DOCK4: variants seen among roughly 807,000 people sequenced by gnomAD.
The protein encoded by DOCK4 is dedicator of cytokinesis protein 4.
A neutral mutation model predicts 268.1 loss-of-function variants in DOCK4; 97 were observed. That is an observed-to-expected ratio of 0.36 (90% CI 0.31 to 0.43). The LOEUF (loss-of-function observed/expected upper bound fraction) is 0.43, where lower values mean the gene tolerates loss of function less well. Among genes scored for constraint, DOCK4 ranks in the 20% least tolerant of loss-of-function variants. The pLI is 1.00. For synonymous variants in DOCK4, 954 were observed against 887.2 expected, an observed-to-expected ratio of 1.08 and a Z score of -1.34; for missense variants, 2,145 against 2,455.7, an observed-to-expected ratio of 0.87 and a Z score of 2.67.
chr7:112,004,840 T>C (rs1265171029), intron 1 of DOCK4, among the ~76,000 whole-genome samples: 1 of 152,120 alleles, frequency 6.6e-6, no homozygotes, highest in Non-Finnish European at 1.5e-5. Context: ...AGATTAATGG[T>C]TTAGATTAAT....
intron 30 of DOCK4, among the ~76,000 whole-genome samples, chr7:111,790,906 C>T (rs890767607): frequency 2.0e-5 from 3 of 150,648 alleles, no homozygotes; most frequent in Admixed American, 6.6e-5. Flanking sequence ...AAAATACAAA[C>T]AATTAGCCGG....
At chr7:112,006,356 T>C (rs1007165358) in intron 1 of DOCK4, among the ~76,000 whole-genome samples, 5 of 152,214 alleles carry the variant, frequency 3.3e-5, no homozygotes, top group African/African-American at 4.8e-5. Flanking sequence ...GGTTCTTTTA[T>C]TATTGAGAAT....
At chr7:111,754,215 C>A (rs1026719390) in intron 42 of DOCK4, among the ~76,000 whole-genome samples, 3 of 152,230 alleles carry the variant, frequency 2.0e-5, no homozygotes, top group Admixed American at 2.0e-4. Context: ...AACATGTAAG[C>A]AGCCAGCTTT....
intron 39 of DOCK4, among the ~76,000 whole-genome samples, chr7:111,762,812 G>A (rs1797535754): frequency 1.0e-5 from 1 of 99,742 alleles, no homozygotes; most frequent in African/African-American, 3.6e-5. Flanking sequence ...CTGTCACCCA[G>A]GCTGGAGTGC....
chr7:112,020,737 C>G (rs1586657970), intron 1 of DOCK4, among the ~76,000 whole-genome samples: 2 of 149,158 alleles, frequency 1.3e-5, no homozygotes, highest in South Asian at 4.3e-4. Context: ...TGAACTAAAG[C>G]TGGGCTTTTC....
At chr7:111,783,282 G>A (rs1798915739) in intron 34 of DOCK4, among the ~76,000 whole-genome samples, 1 of 152,114 alleles carries the variant, frequency 6.6e-6, no homozygotes, top group Admixed American at 6.5e-5. Flanking sequence ...GAAGTGGCTG[G>A]TAAGCCTGGC....
intron 17 of DOCK4, among the ~76,000 whole-genome samples, chr7:111,873,064 C>G (rs563480510): frequency 6.6e-6 from 1 of 152,296 alleles, no homozygotes; most frequent in African/African-American, 2.4e-5. Flanking sequence ...GTCTTCTTGG[C>G]AATGTGACCC....
rs375220879 is a variant in DOCK4 at position 111,737,047 on chromosome 7, C to T, written c.5233-58G>A. The T allele has an allele frequency of 1.0e-5, 15 of 1,470,922 alleles. No homozygotes were observed. The African/African-American group carries it at 1.7e-4, about 16-fold the overall frequency. The allele number at this position is 1,470,922 out of a possible 1,614,324, so 91.1% of individuals were successfully genotyped here. On this transcript the variant is annotated intron_variant, in intron 49 of 52. Transcript: ENST00000428084. ...TGATATACGGGCATGTGAAACCTTT[C>T]AGAAAATGAGACGATTATCTCCTCA...
chr7:111,726,224 C>T lies in DOCK4; in HGVS notation c.*2050G>A, dbSNP rs1395454776. The T allele has an allele frequency of 6.6e-6, 1 of 152,630 alleles. No individual in the cohort carries two copies. The highest frequency in any genetic ancestry group is 1.5e-5 in the Non-Finnish European group (1 of 68,026). The allele number at this position is 152,630 out of a possible 1,614,324, so 9.5% of individuals were successfully genotyped here. On this transcript the variant is annotated 3_prime_UTR_variant, in exon 53 of 53. Coordinates refer to ENST00000428084, the MANE Select transcript of DOCK4 (RefSeq NM_001363540.2). ...CTGCTATGTAGCTGCTTCAGAAATA[C>T]ACACACATGATAAATTCAAGATAAA... is the stretch of plus-strand genomic sequence containing the variant.
chr7:111,983,844 A>ATGCGTG (rs1554402959), intron 7 of DOCK4, among the ~76,000 whole-genome samples: 9 of 138,940 alleles, frequency 6.5e-5, no homozygotes, highest in African/African-American at 2.6e-4. Flanking sequence ...GTACACACAC[A>ATGCGTG]CGCGCGCGCG....
intron 1 of DOCK4, among the ~76,000 whole-genome samples, chr7:112,134,104 C>T (rs1236403451): frequency 2.0e-5 from 3 of 152,168 alleles, no homozygotes; most frequent in African/African-American, 7.2e-5. Context: ...ACTTTGAATA[C>T]TTCACTGCAT....
In DOCK4 at chr7:111,944,751, C is replaced by G. The variant is rs1037939254; in HGVS notation, c.844+60G>C. The stretch of plus-strand genomic sequence containing the variant: ...CAATAAATCACAACAACATAGAAAC[C>G]TCTTGGCATTTCTCCTCTCTGTTCC... On this transcript the variant is annotated intron_variant, in intron 10 of 52. Coordinates refer to ENST00000428084, the MANE Select transcript of DOCK4 (RefSeq NM_001363540.2). The G allele has an allele frequency of 6.1e-6, 9 of 1,463,442 alleles. No homozygotes were observed. In the African/African-American group the frequency reaches 1.3e-4, roughly 20 times the overall value. The allele number at this position is 1,463,442 out of a possible 1,614,324, so 90.7% of individuals were successfully genotyped here.
At chr7:111,868,851 T>TCAA (rs1806195184) in intron 21 of DOCK4, among the ~76,000 whole-genome samples, 1 of 152,234 alleles carries the variant, frequency 6.6e-6, no homozygotes, top group South Asian at 2.1e-4. Flanking sequence ...TGACAGGTAG[T>TCAA]ACTCTTGCCA....
chr7:111,844,832 G>T lies in DOCK4; in HGVS notation c.2667C>A (p.Thr889=), dbSNP rs184676170. The change falls in exon 25 of 53, where the codon ACC becomes ACA. Residue 889 remains threonine (T), a synonymous_variant. Coordinates refer to ENST00000428084, the MANE Select transcript of DOCK4 (RefSeq NM_001363540.2). ...GAGGTCGGCTGGTGATCTCCAATAT[G>T]GTCCTCAGCAGAATATCCAGCAAGC... ...VASLLDILLR[T]ILEITSRPQP... 6.2e-7 allele frequency: 1 copy of T among 1,613,558 alleles called. No individual in the cohort carries two copies. The highest frequency in any genetic ancestry group is 8.5e-7 in the Non-Finnish European group (1 of 1,179,686).
chr7:111,753,864 C>T (rs1402500230), intron 42 of DOCK4, among the ~76,000 whole-genome samples: 1 of 152,148 alleles, frequency 6.6e-6, no homozygotes, highest in Non-Finnish European at 1.5e-5. Flanking sequence ...TGATTTGTTC[C>T]ATTTGACAGA....
intron 12 of DOCK4, among the ~76,000 whole-genome samples, chr7:111,921,282 C>G (rs1793115211): frequency 6.6e-6 from 1 of 152,158 alleles, no homozygotes; most frequent in African/African-American, 2.4e-5. Context: ...TTAAGTTCAG[C>G]TTACGGAGTG....
chr7:111,812,730 C>G (rs1278717848), intron 27 of DOCK4, among the ~76,000 whole-genome samples: 1 of 152,188 alleles, frequency 6.6e-6, no homozygotes, highest in Non-Finnish European at 1.5e-5. Flanking sequence ...CATGCAAGAG[C>G]TATAGAAGGC....
At chr7:111,785,811 G>T (rs1799126253) in intron 32 of DOCK4, among the ~76,000 whole-genome samples, 1 of 152,142 alleles carries the variant, frequency 6.6e-6, no homozygotes, top group African/African-American at 2.4e-5. Context: ...ACAGTGAAAG[G>T]GGGTTTCTCA....
At chr7:111,797,988 T>C (rs1800016968) in intron 30 of DOCK4, among the ~76,000 whole-genome samples, 3 of 152,158 alleles carry the variant, frequency 2.0e-5, no homozygotes, top group Admixed American at 2.0e-4. Flanking sequence ...TCTTTTATAA[T>C]AGGGACCAGA....
Sources: gnomAD v4.1 joint callset for allele counts (sites outside exome capture counted in the v4.1 genomes callset) on GRCh38, gnomAD v4.1.1 for gene constraint, MANE v1.5 for transcripts, NCBI Gene and HGNC (gene_info 2026-07-23, HGNC 2026-07-21) for gene names.